CD38: variants seen among roughly 807,000 people sequenced by gnomAD.
The protein encoded by CD38 is ADP-ribosyl cyclase/cyclic ADP-ribose hydrolase 1.
A neutral mutation model predicts 36.3 loss-of-function variants in CD38; 31 were observed. The observed-to-expected ratio is 0.85, with a 90% confidence interval of 0.64 to 1.15. The LOEUF is 1.15. Among genes scored for constraint, CD38 ranks in the 50% most tolerant of loss-of-function variants. The pLI, the probability that CD38 is intolerant of heterozygous loss-of-function variation, is 0.00. For synonymous variants in CD38, 131 were observed against 135.2 expected (o/e 0.97, Z 0.22); for missense variants, 380 against 371.9 (o/e 1.02, Z -0.18).
At chr4:15,809,154 T>C (rs917406344) in intron 1 of CD38, among the ~76,000 whole-genome samples, 6 of 152,186 alleles carry the variant, frequency 3.9e-5, no homozygotes, top group Non-Finnish European at 7.3e-5. Flanking sequence ...TAAATGCTAA[T>C]TGTTGTGGTT....
intron 1 of CD38, among the ~76,000 whole-genome samples, chr4:15,790,568 C>A (rs1454605394): frequency 6.6e-6 from 1 of 152,136 alleles, no homozygotes; most frequent in Admixed American, 6.5e-5. Flanking sequence ...CCCCAAAGTG[C>A]CGAGATTGCA....
chr4:15,778,795 G>A lies in CD38; in HGVS notation c.233+148G>A. On this transcript the variant is annotated intron_variant, in intron 1 of 7. Transcript: ENST00000226279. The surrounding 1 kb of genome is among the most constrained non-coding windows in gnomAD (Gnocchi z 4.9). Reference sequence around the variant, plus strand: ...CGGGTGGTGCTGAGTAGGGAGTCCCGGGCTCGGGGCTCCGCGGGCCGCTTT... The same window carrying A: ...CGGGTGGTGCTGAGTAGGGAGTCCCAGGCTCGGGGCTCCGCGGGCCGCTTT... The A allele has an allele frequency of 3.3e-6, 2 of 600,342 alleles. No individual in the cohort carries two copies. Among genetic ancestry groups the A allele is most frequent in the South Asian group, 2.1e-5 (1 of 47,536 alleles). 37.2% of individuals were successfully genotyped at this position (600,342 alleles called of 1,614,324 possible).
intron 3 of CD38, among the ~76,000 whole-genome samples, chr4:15,826,419 G>A (rs1489986984): frequency 6.7e-6 from 1 of 149,224 alleles, no homozygotes; most frequent in African/African-American, 2.5e-5. Flanking sequence ...CTTTAGTTTT[G>A]GTTGCTATTA....
intron 3 of CD38, among the ~76,000 whole-genome samples, chr4:15,830,975 C>G (rs890721184): frequency 6.6e-6 from 1 of 151,834 alleles, no homozygotes; most frequent in Non-Finnish European, 1.5e-5. Context: ...TTCTGTCTTC[C>G]TTTCAGTGGA....
chr4:15,839,080 A>G (rs895506449), intron 5 of CD38, among the ~76,000 whole-genome samples: 4 of 152,208 alleles, frequency 2.6e-5, no homozygotes, highest in Admixed American at 1.3e-4. Context: ...TTTGCCTTAT[A>G]AACTCTAGGT....
chr4:15,804,407 G>C (rs1347026074), intron 1 of CD38, among the ~76,000 whole-genome samples: 1 of 152,148 alleles, frequency 6.6e-6, no homozygotes, highest in African/African-American at 2.4e-5. Flanking sequence ...ATATGATCCA[G>C]TAATCTCGCT....
chr4:15,801,417 G>A (rs1184968291), intron 1 of CD38, among the ~76,000 whole-genome samples: 2 of 151,838 alleles, frequency 1.3e-5, no homozygotes, highest in Admixed American at 6.6e-5. Flanking sequence ...TTGAAGGGAA[G>A]AGAATTCTTC....
intron 1 of CD38, among the ~76,000 whole-genome samples, chr4:15,814,354 G>A (rs1324025423): frequency 6.6e-6 from 1 of 152,128 alleles, no homozygotes; most frequent in African/African-American, 2.4e-5. Context: ...TTTGTCAGGT[G>A]GATAGATTGC....
chr4:15,801,361 A>G (rs966386548), intron 1 of CD38, among the ~76,000 whole-genome samples: 2 of 152,100 alleles, frequency 1.3e-5, no homozygotes, highest in Non-Finnish European at 2.9e-5. Context: ...GATTCTACCA[A>G]ACTTTGAAAA....
intron 2 of CD38, among the ~76,000 whole-genome samples, chr4:15,819,900 G>A (rs1007453200): frequency 6.6e-6 from 1 of 152,220 alleles, no homozygotes; most frequent in African/African-American, 2.4e-5. Context: ...GAGAACCCCA[G>A]TAAGATACTC....
intron 1 of CD38, among the ~76,000 whole-genome samples, chr4:15,800,391 A>G (rs1723194118): frequency 6.6e-6 from 1 of 152,206 alleles, no homozygotes; most frequent in Non-Finnish European, 1.5e-5. Context: ...CTGTTTTATA[A>G]GGCAATTGTA....
At chr4:15,800,540 TC>T (rs1723196540) in intron 1 of CD38, among the ~76,000 whole-genome samples, 1 of 152,198 alleles carries the variant, frequency 6.6e-6, no homozygotes, top group Non-Finnish European at 1.5e-5. Context: ...AGTTTGCATT[TC>T]CCCCATGACT....
intron 1 of CD38, among the ~76,000 whole-genome samples, chr4:15,795,404 A>G (rs993037864): frequency 6.6e-6 from 1 of 152,156 alleles, no homozygotes; most frequent in South Asian, 2.1e-4. Flanking sequence ...CAAAAAGGTG[A>G]AAACTGAGGT....
chr4:15,823,452 A>T (rs1452431357), intron 2 of CD38, among the ~76,000 whole-genome samples: 2 of 152,244 alleles, frequency 1.3e-5, no homozygotes, highest in Non-Finnish European at 2.9e-5. Flanking sequence ...TCCAGAATTT[A>T]CAAAGAACTT....
intron 3 of CD38, among the ~76,000 whole-genome samples, chr4:15,826,453 T>G (rs3223163): frequency 8.7e-5 from 7 of 80,536 alleles, no homozygotes; most frequent in Non-Finnish European, 1.4e-4. Flanking sequence ...AGAAACACTT[T>G]TGTGCGCACA....
At chr4:15,824,846 G>T in intron 2 of CD38, 35 bp from the exon 3 acceptor site, 3 of 1,511,916 alleles carry the variant, frequency 2.0e-6, no homozygotes, top group Non-Finnish European at 1.8e-6. Context: ...ATGCTAAATT[G>T]ATCTCAGTAA....
At chr4:15,815,625 C>G (rs2148921998) in intron 1 of CD38, among the ~76,000 whole-genome samples, 1 of 152,186 alleles carries the variant, frequency 6.6e-6, no homozygotes, top group South Asian at 2.1e-4. Flanking sequence ...TATCCTGAGA[C>G]TTTGCTGAAG....
intron 3 of CD38, among the ~76,000 whole-genome samples, chr4:15,833,296 G>C (rs1281558780): frequency 6.6e-6 from 1 of 152,178 alleles, no homozygotes; most frequent in African/African-American, 2.4e-5. Context: ...ATCACTTCTG[G>C]TTTTTCAGGG....
intron 1 of CD38, among the ~76,000 whole-genome samples, chr4:15,802,809 T>C (rs1244043109): frequency 6.6e-6 from 1 of 152,150 alleles, no homozygotes; most frequent in East Asian, 1.9e-4. Context: ...CCTCCCAAAG[T>C]GCTGGTATTA....
Sources: allele counts gnomAD v4.1 joint callset (sites outside exome capture counted in the v4.1 genomes callset), GRCh38; gene constraint gnomAD v4.1.1; non-coding constraint Gnocchi (gnomAD v3.1); transcripts MANE v1.5; gene names NCBI Gene and HGNC (gene_info 2026-07-23, HGNC 2026-07-21).